UBE2W: variants seen among roughly 807,000 people sequenced by gnomAD.
UBE2W encodes the protein ubiquitin-conjugating enzyme E2 W.
In UBE2W, 18 loss-of-function variants were observed where a neutral mutation model predicts 27.2. The observed-to-expected ratio is 0.66, with a 90% CI of 0.46 to 0.98. The LOEUF (loss-of-function observed/expected upper bound fraction) is 0.98. UBE2W is among the 50% of genes least tolerant of loss of function. The probability of loss-of-function intolerance (pLI) is 0.00; values close to 1 mark genes in which losing one functional copy is unlikely to be tolerated. For synonymous variants in UBE2W, 53 were observed against 57.2 expected (o/e 0.93, Z 0.33); for missense variants, 90 against 180.2 (o/e 0.50, Z 2.87).
At chr8:73,809,232 G>C (rs1310203105) in intron 4 of UBE2W, among the ~76,000 whole-genome samples, 1 of 152,060 alleles carries the variant, frequency 6.6e-6, no homozygotes, top group African/African-American at 2.4e-5. Flanking sequence ...CACATGCTGT[G>C]GCTTAGAGTG....
intron 3 of UBE2W, among the ~76,000 whole-genome samples, chr8:73,817,316 C>T (rs941848338): frequency 7.2e-5 from 11 of 151,966 alleles, no homozygotes; most frequent in Non-Finnish European, 1.5e-4. Flanking sequence ...TGACAGGGCG[C>T]AACTCCATCT....
intron 1 of UBE2W, among the ~76,000 whole-genome samples, chr8:73,868,018 A>G (rs768977030): frequency 2.6e-5 from 4 of 152,192 alleles, no homozygotes; most frequent in Non-Finnish European, 4.4e-5. Flanking sequence ...CAAGAAATAT[A>G]TATCTTCATC....
rs1484135849 is a variant in UBE2W at position 73,787,821 on chromosome 8, C to A, written c.*6281G>T. 4 of 985,360 alleles carry A rather than the reference C, an allele frequency of 4.1e-6. No individual in the cohort carries two copies. The highest frequency in any genetic ancestry group is 1.0e-3 in the Middle Eastern group (2 of 1,914). 61.0% of individuals were successfully genotyped at this position (985,360 alleles called of 1,614,324 possible). On this transcript the variant is annotated 3_prime_UTR_variant, in exon 6 of 6. Transcript: ENST00000602593. ...TTGAAGTTCAGGAACATCGGACTCACGATAACTCTAAGCAAGTGCCTGGGT... is the reference window on the plus strand; with the variant it reads ...TTGAAGTTCAGGAACATCGGACTCAAGATAACTCTAAGCAAGTGCCTGGGT...
At chr8:73,785,623 T>G (rs1291444887), downstream of UBE2W, among the ~76,000 whole-genome samples, 1 of 151,852 alleles carries the variant, frequency 6.6e-6, no homozygotes, top group Non-Finnish European at 1.5e-5. Flanking sequence ...AGACGGAATC[T>G]CGCTCTGTCC....
rs1260665467 is a variant in UBE2W at position 73,788,948 on chromosome 8, T to C, written c.*5154A>G. The C allele has an allele frequency of 2.0e-6, 2 of 984,180 alleles. No homozygotes were observed. Among genetic ancestry groups the C allele is most frequent in the East Asian group, 1.1e-4 (1 of 8,806 alleles). 61.0% of individuals were successfully genotyped at this position (984,180 alleles called of 1,614,324 possible). A position where few individuals can be genotyped will look rare whatever the true frequency, so the allele number is the denominator to read the frequency against. On this transcript the variant is annotated 3_prime_UTR_variant, in exon 6 of 6. Coordinates refer to ENST00000602593, the MANE Select transcript of UBE2W (RefSeq NM_018299.6). ...TCCACATACTCAAAATACCCTCAGATATTTTATTAACAAAAAATTTTTCAT... is the reference window on the plus strand; with the variant it reads ...TCCACATACTCAAAATACCCTCAGACATTTTATTAACAAAAAATTTTTCAT...
intron 1 of UBE2W, among the ~76,000 whole-genome samples, chr8:73,848,653 C>T (rs114505142): frequency 3.3e-5 from 5 of 152,134 alleles, no homozygotes; most frequent in Admixed American, 2.6e-4. Flanking sequence ...GATCTCACCA[C>T]TGCACACCAA....
chr8:73,782,164 G>A (rs902864177), downstream of UBE2W, among the ~76,000 whole-genome samples: 3 of 151,722 alleles, frequency 2.0e-5, no homozygotes, highest in Non-Finnish European at 2.9e-5. Flanking sequence ...GGCCAGAATG[G>A]TCTCGATCTC....
downstream of UBE2W, among the ~76,000 whole-genome samples, chr8:73,783,829 C>A (rs1489225659): frequency 6.6e-6 from 1 of 152,130 alleles, no homozygotes; most frequent in Non-Finnish European, 1.5e-5. Flanking sequence ...GTGGTGCGAT[C>A]TGGGCTCACT....
intron 1 of UBE2W, among the ~76,000 whole-genome samples, chr8:73,834,734 C>A (rs1810234884): frequency 6.6e-6 from 1 of 152,066 alleles, no homozygotes; most frequent in African/African-American, 2.4e-5. Flanking sequence ...CATGGCGAAA[C>A]CTCGTCTCTA....
intron 5 of UBE2W, among the ~76,000 whole-genome samples, chr8:73,797,921 C>A (rs1258038026): frequency 1.3e-5 from 2 of 152,162 alleles, no homozygotes; most frequent in Non-Finnish European, 2.9e-5. Flanking sequence ...CATGACACCA[C>A]AAGTGGAAAA....
At chr8:73,859,310 AC>A (rs1024120262) in intron 1 of UBE2W, among the ~76,000 whole-genome samples, 3 of 151,994 alleles carry the variant, frequency 2.0e-5, no homozygotes, top group African/African-American at 7.2e-5. Context: ...GTTTGAGACC[AC>A]CCTGGCCAAC....
intron 1 of UBE2W, among the ~76,000 whole-genome samples, chr8:73,854,151 AAAAGAAAG>A (rs749071996): frequency 2.0e-5 from 3 of 152,086 alleles, no homozygotes; most frequent in African/African-American, 4.8e-5. Context: ...TCCGTCTCAA[AAAAGAAAG>A]AAAGAAAGAA....
At chr8:73,812,999 C>T (rs145374519) in intron 3 of UBE2W, among the ~76,000 whole-genome samples, 10 of 131,290 alleles carry the variant, frequency 7.6e-5, no homozygotes, top group East Asian at 2.3e-4. Flanking sequence ...GAGCGAAACT[C>T]GGCCTTAAAA....
chr8:73,825,050 T>C (rs1360956569), intron 3 of UBE2W, 97 bp downstream of exon 3: 2 of 685,086 alleles, frequency 2.9e-6, no homozygotes, highest in Non-Finnish European at 4.9e-6. Flanking sequence ...TCCATCTACA[T>C]ACGTATAACT....
At chr8:73,842,487 C>T (rs1434075445) in intron 1 of UBE2W, among the ~76,000 whole-genome samples, 1 of 136,122 alleles carries the variant, frequency 7.3e-6, no homozygotes, top group Non-Finnish European at 1.5e-5. Context: ...CGAGATGGTG[C>T]CACTGCACTC....
chr8:73,855,507 T>C (rs1452167469), intron 1 of UBE2W, among the ~76,000 whole-genome samples: 3 of 148,436 alleles, frequency 2.0e-5, no homozygotes, highest in East Asian at 2.1e-4. Context: ...GTTCAAGCAA[T>C]TGTCCTGCCT....
chr8:73,822,856 C>T (rs1373637642), intron 3 of UBE2W, among the ~76,000 whole-genome samples: 1 of 151,924 alleles, frequency 6.6e-6, no homozygotes, highest in Non-Finnish European at 1.5e-5. Flanking sequence ...GAATGGGCTA[C>T]CTTTCAAATG....
At chr8:73,838,538 G>C (rs1037150973) in intron 1 of UBE2W, among the ~76,000 whole-genome samples, 2 of 152,132 alleles carry the variant, frequency 1.3e-5, no homozygotes, top group Admixed American at 6.5e-5. Flanking sequence ...CCAGGAATTC[G>C]AGACCAGCCT....
intron 1 of UBE2W, among the ~76,000 whole-genome samples, chr8:73,852,946 G>A (rs1811138230): frequency 1.3e-5 from 2 of 152,108 alleles, no homozygotes; most frequent in African/African-American, 4.8e-5. Context: ...GTGCTGTAAG[G>A]GATATTCTAT....
Sources: gnomAD v4.1 joint callset for allele counts (sites outside exome capture counted in the v4.1 genomes callset) on GRCh38, gnomAD v4.1.1 for gene constraint, MANE v1.5 for transcripts, NCBI Gene and HGNC (gene_info 2026-07-23, HGNC 2026-07-21) for gene names.